Variants in ACYP2 observed in about 807,000 individuals in gnomAD.
ACYP2 encodes acylphosphatase 2.
A neutral mutation model predicts 11.2 loss-of-function variants in ACYP2; 12 were observed. That is an observed-to-expected ratio of 1.08 (90% CI 0.69 to 1.74). The LOEUF (loss-of-function observed/expected upper bound fraction) is 1.74. Ranked by LOEUF, ACYP2 falls within the 40% of genes most tolerant of loss-of-function variation. The pLI is 0.00. For synonymous variants in ACYP2, 43 were observed against 32.2 expected, an observed-to-expected ratio of 1.33 and a Z score of -1.13; for missense variants, 134 against 101.9, an observed-to-expected ratio of 1.31 and a Z score of -1.35.
At chr2:54,142,254 C>A in intron 6 of ACYP2, 1 of 224,600 alleles carries the variant, frequency 4.5e-6, no homozygotes. Context: ...CTCCTATTAA[C>A]ATTTTACATT....
intron 6 of ACYP2, among the ~76,000 whole-genome samples, chr2:54,262,165 A>G (rs986102456): frequency 2.0e-5 from 3 of 152,224 alleles, no homozygotes; most frequent in Non-Finnish European, 4.4e-5. Flanking sequence ...TGTTTCAGCC[A>G]GGGGTGAGCA....
At chr2:54,100,371 C>G (rs1014842880) in intron 4 of ACYP2, among the ~76,000 whole-genome samples, 2 of 149,994 alleles carry the variant, frequency 1.3e-5, no homozygotes, top group African/African-American at 2.5e-5. Flanking sequence ...GGCATGATCA[C>G]GGCTCACTGA....
chr2:54,003,295 T>C (rs1197230274), intron 2 of ACYP2, among the ~76,000 whole-genome samples: 2 of 151,656 alleles, frequency 1.3e-5, no homozygotes, highest in African/African-American at 2.4e-5. Flanking sequence ...GTTTCACTCT[T>C]GTTGCCCAGG....
At chr2:54,262,542 AAG>A (rs1226585569) in intron 6 of ACYP2, among the ~76,000 whole-genome samples, 1 of 152,202 alleles carries the variant, frequency 6.6e-6, no homozygotes, top group African/African-American at 2.4e-5. Flanking sequence ...GAAAATGAAA[AAG>A]AGTGCATTGA....
At chr2:54,283,065 T>C (rs1688915001) in intron 6 of ACYP2, among the ~76,000 whole-genome samples, 1 of 152,236 alleles carries the variant, frequency 6.6e-6, no homozygotes, top group Non-Finnish European at 1.5e-5. Context: ...AAATTTTTTA[T>C]ACTTTGCACA....
intron 6 of ACYP2, among the ~76,000 whole-genome samples, chr2:54,186,810 G>A (rs1349120050): frequency 1.3e-5 from 2 of 152,008 alleles, no homozygotes; most frequent in Admixed American, 6.6e-5. Flanking sequence ...CACCGTACCC[G>A]GCCAATAGTG....
chr2:54,101,766 AGT>A (rs1678907461), intron 4 of ACYP2, among the ~76,000 whole-genome samples: 1 of 150,764 alleles, frequency 6.6e-6, no homozygotes, highest in South Asian at 2.1e-4. Flanking sequence ...TTTTAAAATT[AGT>A]GTGTTTTATG....
intron 4 of ACYP2, among the ~76,000 whole-genome samples, chr2:54,090,845 C>A (rs978519491): frequency 1.3e-5 from 2 of 152,164 alleles, no homozygotes; most frequent in African/African-American, 4.8e-5. Context: ...CTTCCTCTGA[C>A]TCTTGAGATC....
chr2:54,071,581 T>C (rs1017951621), intron 4 of ACYP2, among the ~76,000 whole-genome samples: 6 of 152,102 alleles, frequency 3.9e-5, no homozygotes, highest in African/African-American at 1.4e-4. Context: ...TTCTGCCACC[T>C]CGGCCTTCTG....
chr2:54,002,489 G>GCATC (rs1455471520), intron 2 of ACYP2, among the ~76,000 whole-genome samples: 2 of 151,516 alleles, frequency 1.3e-5, no homozygotes, highest in African/African-American at 4.9e-5. Context: ...GGGATTATAA[G>GCATC]TGCACACCAC....
At chr2:54,245,554 T>G (rs1272381851) in intron 6 of ACYP2, among the ~76,000 whole-genome samples, 3 of 152,202 alleles carry the variant, frequency 2.0e-5, no homozygotes. Flanking sequence ...ATAATAGCTA[T>G]CCTAACTGGG....
chr2:54,096,898 C>T (rs972722462), intron 4 of ACYP2, among the ~76,000 whole-genome samples: 8 of 152,038 alleles, frequency 5.3e-5, no homozygotes, highest in African/African-American at 1.4e-4. Context: ...AAAATAGAGA[C>T]GGGGTCTTGC....
chr2:54,147,028 T>G lies in ACYP2; in HGVS notation c.404+8280T>G, dbSNP rs988938961. Among the ~76,000 whole-genome samples the G allele has an allele frequency of 9.5e-4, 144 of 152,036 alleles. 6 individuals are homozygous for G. The highest frequency in any genetic ancestry group is 5.9e-5 in the Non-Finnish European group (4 of 68,014). On this transcript the variant is annotated intron_variant, in intron 6 of 6. Transcript: ENST00000607452. Reference sequence around the variant, plus strand: ...CCAGGCTGGTCTCAAACTCCTGACCTCAGGTGATCTGCCAGCCTCAGCCTC... The same window carrying G: ...CCAGGCTGGTCTCAAACTCCTGACCGCAGGTGATCTGCCAGCCTCAGCCTC...
intron 2 of ACYP2, among the ~76,000 whole-genome samples, chr2:54,003,983 GT>G (rs1011036300): frequency 2.6e-5 from 4 of 151,376 alleles, no homozygotes; most frequent in Admixed American, 2.0e-4. Flanking sequence ...TTGTTGTTTT[GT>G]TTTTTGTTTT....
intron 2 of ACYP2, among the ~76,000 whole-genome samples, chr2:54,013,108 T>C (rs935603371): frequency 6.6e-6 from 1 of 152,084 alleles, no homozygotes; most frequent in South Asian, 2.1e-4. Context: ...AAAATGTCAC[T>C]TTCTCAGGGA....
intron 4 of ACYP2, among the ~76,000 whole-genome samples, chr2:54,105,799 T>G (rs1558532154): frequency 6.6e-6 from 1 of 152,106 alleles, no homozygotes; most frequent in East Asian, 1.9e-4. Context: ...TGGACCCTAT[T>G]AATAAATAAA....
At chr2:53,980,667 C>T (rs1044589858) in intron 2 of ACYP2, among the ~76,000 whole-genome samples, 1 of 152,096 alleles carries the variant, frequency 6.6e-6, no homozygotes, top group South Asian at 2.1e-4. Flanking sequence ...CACATTCACC[C>T]ACCACATACT....
chr2:54,243,714 T>C (rs1341113151), intron 6 of ACYP2, among the ~76,000 whole-genome samples: 2 of 152,190 alleles, frequency 1.3e-5, no homozygotes, highest in East Asian at 3.9e-4. Context: ...GGATTACAGA[T>C]GCATGCCACC....
chr2:54,218,719 C>G lies in ACYP2; in HGVS notation c.404+79971C>G, dbSNP rs1304123121. On this transcript the variant is annotated intron_variant, in intron 6 of 6. Coordinates refer to ENST00000607452, the MANE Select transcript of ACYP2 (RefSeq NM_001320586.2). ...GTGGTACTAGGTTCTCATCAGTGTC[C>G]CCAGTTTTTCTGTCCTTAACATGTA... Among the ~76,000 whole-genome samples the G allele has an allele frequency of 3.3e-5, 5 of 152,130 alleles. No individual in the cohort carries two copies. In the East Asian group the frequency reaches 9.7e-4, roughly 29 times the overall value.
Sources: gnomAD v4.1 joint callset for allele counts (sites outside exome capture counted in the v4.1 genomes callset) on GRCh38, gnomAD v4.1.1 for gene constraint, MANE v1.5 for transcripts, NCBI Gene and HGNC (gene_info 2026-07-23, HGNC 2026-07-21) for gene names.